The following SGCD variants were observed in gnomAD, a reference collection of about 807,000 sequenced individuals.
SGCD encodes delta-sarcoglycan.
A neutral mutation model predicts 36.6 loss-of-function variants in SGCD; 18 were observed. That is an observed-to-expected ratio of 0.49 (90% CI 0.34 to 0.73). The LOEUF is 0.73. Among genes scored for constraint, SGCD ranks in the 30% least tolerant of loss-of-function variants. The pLI is 0.01. For missense variants in SGCD, 387 were observed against 346.7 expected, an observed-to-expected ratio of 1.12 and a Z score of -0.92; for synonymous variants, 133 against 130.6, an observed-to-expected ratio of 1.02 and a Z score of -0.12.
chr5:156,403,833 AT>A lies in SGCD; in HGVS notation c.192+59165del, dbSNP rs537921518. Among the ~76,000 whole-genome samples the A allele has an allele frequency of 3.5e-5, 4 of 114,802 alleles. No individual in the cohort carries two copies. The East Asian group carries it at 7.3e-4, about 21-fold the overall frequency. The allele number at this position is 114,802 out of a possible 152,430, so 75.3% of individuals were successfully genotyped here. A position where few individuals can be genotyped will look rare whatever the true frequency, so the allele number is the denominator to read the frequency against. On this transcript the variant is annotated intron_variant, in intron 3 of 8. Coordinates refer to ENST00000337851, the MANE Select transcript of SGCD (RefSeq NM_000337.6). Reference sequence around the variant, plus strand: ...AGAAGGGCATGATATTCCCTGACATATTTTTTTTTCTTTTTTTTTGAGATGG... The same window carrying A: ...AGAAGGGCATGATATTCCCTGACATATTTTTTTTCTTTTTTTTTGAGATGG...
At chr5:155,784,656 T>TTTC in the SGCD span, among the ~76,000 whole-genome samples, 8 of 150,862 alleles carry the variant, frequency 5.3e-5, no homozygotes, top group Admixed American at 2.0e-4. Flanking sequence ...TTTTTTTTTT[T>TTTC]CCATGTGTTT....
intron 3 of SGCD, among the ~76,000 whole-genome samples, chr5:156,176,004 A>G (rs2127624284): frequency 6.6e-6 from 1 of 152,068 alleles, no homozygotes. Flanking sequence ...GTATAGAATA[A>G]GTAGAATTAT....
At chr5:156,621,846 G>A (rs1363049727) in intron 6 of SGCD, among the ~76,000 whole-genome samples, 3 of 152,184 alleles carry the variant, frequency 2.0e-5, no homozygotes, top group Non-Finnish European at 4.4e-5. Context: ...TTATTCCGTA[G>A]CAGGTGTTGT....
At chr5:156,407,258 G>A (rs976024908) in intron 3 of SGCD, among the ~76,000 whole-genome samples, 7 of 152,048 alleles carry the variant, frequency 4.6e-5, no homozygotes, top group Admixed American at 2.6e-4. Flanking sequence ...AAATTTTTAT[G>A]GATACTAAGC....
intron 1 of SGCD, among the ~76,000 whole-genome samples, chr5:156,080,207 A>G (rs971301521): frequency 3.3e-5 from 5 of 152,194 alleles, no homozygotes; most frequent in African/African-American, 9.6e-5. Context: ...GGATGCAGAC[A>G]TCAGCCTCCT....
chr5:156,161,325 T>A (rs1321489749), intron 3 of SGCD, among the ~76,000 whole-genome samples: 1 of 151,798 alleles, frequency 6.6e-6, no homozygotes, highest in Non-Finnish European at 1.5e-5. Context: ...ACATTCACTT[T>A]TATATCACAG....
intron 3 of SGCD, among the ~76,000 whole-genome samples, chr5:156,143,467 G>T (rs1451437386): frequency 6.6e-6 from 1 of 152,174 alleles, no homozygotes; most frequent in Non-Finnish European, 1.5e-5. Context: ...CCCCAGAATG[G>T]TTGATTCACC....
the SGCD span, among the ~76,000 whole-genome samples, chr5:155,851,005 G>A: frequency 6.6e-6 from 1 of 152,158 alleles, no homozygotes; most frequent in African/African-American, 2.4e-5. Flanking sequence ...TTTTATTACT[G>A]TCAAAGGGCA....
At chr5:156,750,990 A>C (rs1279082857) in intron 7 of SGCD, among the ~76,000 whole-genome samples, 1 of 152,232 alleles carries the variant, frequency 6.6e-6, no homozygotes, top group Non-Finnish European at 1.5e-5. Flanking sequence ...TCCAAATTCC[A>C]AAAGAATTTC....
chr5:156,100,699 T>C (rs1761498357), intron 1 of SGCD, among the ~76,000 whole-genome samples: 1 of 152,212 alleles, frequency 6.6e-6, no homozygotes, highest in Non-Finnish European at 1.5e-5. Flanking sequence ...TGACAAATAC[T>C]AATTGGGCAA....
chr5:156,728,601 C>T (rs941173515), intron 7 of SGCD, among the ~76,000 whole-genome samples: 3 of 151,698 alleles, frequency 2.0e-5, no homozygotes, highest in Admixed American at 6.6e-5. Flanking sequence ...GCAGTGCCCC[C>T]CCACCACCAC....
intron 3 of SGCD, among the ~76,000 whole-genome samples, chr5:156,284,371 A>G (rs949831960): frequency 3.9e-5 from 6 of 152,156 alleles, no homozygotes; most frequent in African/African-American, 1.4e-4. Flanking sequence ...CACAACAAAA[A>G]AAGAGAATTT....
At chr5:156,429,475 T>C (rs1773832543) in intron 3 of SGCD, among the ~76,000 whole-genome samples, 1 of 152,000 alleles carries the variant, frequency 6.6e-6, no homozygotes, top group South Asian at 2.1e-4. Context: ...TGCCATTCTG[T>C]GTCTTTTAAG....
At chr5:156,246,169 C>G (rs1765433487) in intron 3 of SGCD, among the ~76,000 whole-genome samples, 1 of 152,136 alleles carries the variant, frequency 6.6e-6, no homozygotes, top group African/African-American at 2.4e-5. Flanking sequence ...GATGGTCCAT[C>G]CACTAAGCAT....
intron 1 of SGCD, among the ~76,000 whole-genome samples, chr5:156,006,073 G>A (rs1393228374): frequency 6.6e-6 from 1 of 152,168 alleles, no homozygotes; most frequent in African/African-American, 2.4e-5. Flanking sequence ...GATCATATGA[G>A]AATATGCAGT....
chr5:156,590,441 G>C (rs1035556822), intron 5 of SGCD, among the ~76,000 whole-genome samples: 1 of 152,150 alleles, frequency 6.6e-6, no homozygotes, highest in East Asian at 1.9e-4. Context: ...TGTTGTTTCA[G>C]CGTGTGACTG....
intron 1 of SGCD, among the ~76,000 whole-genome samples, chr5:155,962,913 C>G (rs555459756): frequency 2.6e-5 from 4 of 152,284 alleles, no homozygotes; most frequent in Admixed American, 2.0e-4. Flanking sequence ...ATTTCGGCAA[C>G]TCTGCTAGTG....
At chr5:156,120,005 T>A (rs1761996832) in intron 2 of SGCD, among the ~76,000 whole-genome samples, 1 of 152,218 alleles carries the variant, frequency 6.6e-6, no homozygotes, top group Non-Finnish European at 1.5e-5. Flanking sequence ...CATATGTTGT[T>A]CTTTCTTGAC....
the SGCD span, among the ~76,000 whole-genome samples, chr5:155,863,801 G>A: frequency 6.6e-6 from 1 of 151,770 alleles, no homozygotes; most frequent in African/African-American, 2.4e-5. Context: ...AATTGGTAAT[G>A]TTTCTATTGT....
Sources: gnomAD v4.1 joint callset for allele counts (sites outside exome capture counted in the v4.1 genomes callset) on GRCh38, gnomAD v4.1.1 for gene constraint, MANE v1.5 for transcripts, NCBI Gene and HGNC (gene_info 2026-07-23, HGNC 2026-07-21) for gene names.